NCOA3: variants seen among roughly 807,000 people sequenced by gnomAD.
The protein encoded by NCOA3 is nuclear receptor coactivator 3.
Under a neutral mutation model 158.8 loss-of-function variants are expected in NCOA3, and 51 were observed. That is an observed-to-expected ratio of 0.32 (90% confidence interval 0.26 to 0.41). The LOEUF (loss-of-function observed/expected upper bound fraction) is 0.41. Among genes scored for constraint, NCOA3 ranks in the 10% least tolerant of loss-of-function variants. The pLI is 1.00. For synonymous variants in NCOA3, 537 were observed against 592.4 expected, an observed-to-expected ratio of 0.91 and a Z score of 1.36; for missense variants, 1,510 against 1,746.6, an observed-to-expected ratio of 0.86 and a Z score of 2.41.
chr20:47,640,168 G>A, intron 16 of NCOA3, 117 bp downstream of exon 16: 1 of 1,390,994 alleles, frequency 7.2e-7, no homozygotes, highest in Non-Finnish European at 1.0e-6. Flanking sequence ...TGAGGTACTG[G>A]GTTGCCAGCT....
chr20:47,612,842 C>G (rs16992653), intron 2 of NCOA3, among the ~76,000 whole-genome samples: 4,237 of 152,274 alleles, frequency 0.028, 231 homozygotes, highest in African/African-American at 0.097. Flanking sequence ...TTAACTCCCT[C>G]TGTACAGTGT....
At chr20:47,511,556 T>TATATACACACACACATACACATATAA (rs1569310943) in intron 1 of NCOA3, among the ~76,000 whole-genome samples, 1 of 30,198 alleles carries the variant, frequency 3.3e-5, no homozygotes, top group Non-Finnish European at 1.0e-4. Context: ...TATATATATA[T>TATATACACACACACATACACATATAA]TTCTTTTTTT....
chr20:47,564,033 G>A (rs531813430), intron 1 of NCOA3, among the ~76,000 whole-genome samples: 4 of 152,076 alleles, frequency 2.6e-5, no homozygotes, highest in African/African-American at 7.2e-5. Flanking sequence ...GGTGGCATGC[G>A]CATGTGGTCC....
intron 2 of NCOA3, among the ~76,000 whole-genome samples, chr20:47,598,483 G>A (rs993542719): frequency 2.0e-5 from 3 of 151,760 alleles, no homozygotes; most frequent in Non-Finnish European, 2.9e-5. Context: ...TTACAGGTGC[G>A]TGCCACCATG....
chr20:47,567,759 C>T (rs747271697), intron 1 of NCOA3, among the ~76,000 whole-genome samples: 1 of 151,952 alleles, frequency 6.6e-6, no homozygotes, highest in Non-Finnish European at 1.5e-5. Context: ...TTAGTAGAGA[C>T]GGGGTTTCAC....
At chr20:47,531,254 G>T (rs776618218) in intron 1 of NCOA3, among the ~76,000 whole-genome samples, 3 of 152,118 alleles carry the variant, frequency 2.0e-5, no homozygotes, top group South Asian at 2.1e-4. Flanking sequence ...CAGAAGAATC[G>T]CTTGAACTCA....
chr20:47,580,252 C>G (rs775572972), intron 1 of NCOA3, among the ~76,000 whole-genome samples: 2 of 152,088 alleles, frequency 1.3e-5, no homozygotes, highest in African/African-American at 4.8e-5. Flanking sequence ...CATTATGCTA[C>G]TAGATACTTT....
intron 1 of NCOA3, among the ~76,000 whole-genome samples, chr20:47,563,574 G>A (rs143783299): frequency 7.2e-5 from 11 of 152,160 alleles, no homozygotes; most frequent in Non-Finnish European, 1.5e-4. Flanking sequence ...GCTTATGCCT[G>A]TAATCCCAGC....
At chr20:47,627,252 T>G in intron 6 of NCOA3, 76 bp downstream of exon 6, 1 of 1,221,428 alleles carries the variant, frequency 8.2e-7, no homozygotes, top group Non-Finnish European at 1.1e-6. Flanking sequence ...TGAATGTATC[T>G]TTTAGGAAGT....
intron 1 of NCOA3, among the ~76,000 whole-genome samples, chr20:47,526,777 G>A (rs1351322107): frequency 6.6e-6 from 1 of 152,096 alleles, no homozygotes; most frequent in Non-Finnish European, 1.5e-5. Context: ...GAGACCATGG[G>A]GAGAGAGGGG....
At chr20:47,598,414 C>T (rs2085799870) in intron 2 of NCOA3, among the ~76,000 whole-genome samples, 1 of 152,036 alleles carries the variant, frequency 6.6e-6, no homozygotes, top group Non-Finnish European at 1.5e-5. Context: ...CTGCTCACTG[C>T]AACCTCCACC....
At chr20:47,554,897 CAA>C in intron 1 of NCOA3, among the ~76,000 whole-genome samples, 1 of 152,232 alleles carries the variant, frequency 6.6e-6, no homozygotes, top group African/African-American at 2.4e-5. Flanking sequence ...CCCACATTGC[CAA>C]GTCAATCCTA....
chr20:47,510,144 C>G lies in NCOA3; in HGVS notation c.-99+8125C>G, dbSNP rs72661182. Among the ~76,000 whole-genome samples, 117 of 152,172 alleles carry G rather than the reference C, an allele frequency of 7.7e-4. 1 individual carries two copies. In the East Asian group the frequency reaches 0.021, roughly 28 times the overall value. ...TCCAGAAAGCGACTTTAAACGTACA[C>G]AGTCATGGCCAGGAGTGGTGGTTCA... On this transcript the variant is annotated intron_variant, in intron 1 of 22. Transcript: ENST00000371998.
chr20:47,557,014 G>A (rs1222006528), intron 1 of NCOA3, among the ~76,000 whole-genome samples: 1 of 151,996 alleles, frequency 6.6e-6, no homozygotes, highest in Non-Finnish European at 1.5e-5. Flanking sequence ...AAAAATAATG[G>A]CAAATATGAA....
intron 1 of NCOA3, among the ~76,000 whole-genome samples, chr20:47,579,642 C>A (rs922037963): frequency 7.9e-5 from 12 of 152,172 alleles, no homozygotes; most frequent in African/African-American, 2.7e-4. Context: ...AATCATTGTT[C>A]TGTGACTATT....
At chr20:47,600,575 G>A (rs1260929448) in intron 2 of NCOA3, among the ~76,000 whole-genome samples, 1 of 150,740 alleles carries the variant, frequency 6.6e-6, no homozygotes, top group Non-Finnish European at 1.5e-5. Flanking sequence ...CTCTAGTGCA[G>A]TGGTGTGATC....
chr20:47,583,242 TC>T lies in NCOA3; in HGVS notation c.-37del. 2.5e-6 allele frequency: 1 copy of T among 398,652 alleles called. No homozygotes were observed. The highest frequency in any genetic ancestry group is 4.4e-6 in the Non-Finnish European group (1 of 226,068). 24.7% of individuals were successfully genotyped at this position (398,652 alleles called of 1,614,324 possible). A position where few individuals can be genotyped will look rare whatever the true frequency, so the allele number is the denominator to read the frequency against. ...CCAATAAAAATAAACTGCTTGAACA[TC>T]CTTTGACTGGTTAGCCAGGTAATTC... On this transcript the variant is annotated 5_prime_UTR_variant, in exon 2 of 23. An upstream open reading frame in the 5' UTR gains an earlier in-frame stop. Transcript: ENST00000371998.
chr20:47,622,019 G>A (rs2086249418), intron 2 of NCOA3, among the ~76,000 whole-genome samples: 1 of 151,966 alleles, frequency 6.6e-6, no homozygotes, highest in Admixed American at 6.6e-5. Context: ...TTTCTGTCTT[G>A]GAGTACATAC....
chr20:47,652,151 A>G (rs1474350392), intron 20 of NCOA3, among the ~76,000 whole-genome samples: 1 of 151,900 alleles, frequency 6.6e-6, no homozygotes, highest in Admixed American at 6.6e-5. Flanking sequence ...TCTACAGGAA[A>G]CCCATTAAAG....
Sources: allele counts gnomAD v4.1 joint callset (sites outside exome capture counted in the v4.1 genomes callset), GRCh38; gene constraint gnomAD v4.1.1; transcripts MANE v1.5; gene names NCBI Gene and HGNC (gene_info 2026-07-23, HGNC 2026-07-21).